Variants in FRMD3 observed in about 807,000 individuals in gnomAD.
FRMD3 encodes FERM domain-containing protein 3.
A neutral mutation model predicts 70.2 loss-of-function variants in FRMD3; 33 were observed. The observed-to-expected ratio is 0.47, with a 90% confidence interval of 0.36 to 0.63. FRMD3 has a LOEUF of 0.63. Ranked by LOEUF, FRMD3 falls within the 20% of genes least tolerant of loss-of-function variation. The pLI, the probability that FRMD3 is intolerant of heterozygous loss-of-function variation, is 0.00. For missense variants in FRMD3, 632 were observed against 711.4 expected (o/e 0.89, Z 1.27); for synonymous variants, 279 against 255.9 (o/e 1.09, Z -0.86).
chr9:83,298,667 A>C, intron 12 of FRMD3, 81 bp downstream of exon 12: 16 of 1,036,708 alleles, frequency 1.5e-5, no homozygotes, highest in Non-Finnish European at 2.4e-5. Context: ...GCTGTATGTC[A>C]CTACACAAAG....
At chr9:83,250,928 C>G (rs1009946676) in intron 13 of FRMD3, among the ~76,000 whole-genome samples, 5 of 152,204 alleles carry the variant, frequency 3.3e-5, no homozygotes, top group African/African-American at 1.2e-4. Context: ...TCAGCTGTTC[C>G]AGTCTGCCTG....
At chr9:83,364,800 G>A (rs985974712) in intron 3 of FRMD3, among the ~76,000 whole-genome samples, 24 of 152,116 alleles carry the variant, frequency 1.6e-4, no homozygotes, top group Admixed American at 1.2e-3. Flanking sequence ...TTGTGTGAGC[G>A]ATGTCCTTTT....
chr9:83,440,581 G>A (rs1268392762), intron 1 of FRMD3, among the ~76,000 whole-genome samples: 1 of 152,060 alleles, frequency 6.6e-6, no homozygotes, highest in Non-Finnish European at 1.5e-5. Flanking sequence ...ACAGGACGAG[G>A]GGCAACATTA....
At chr9:83,480,515 G>A (rs1383069458) in intron 1 of FRMD3, among the ~76,000 whole-genome samples, 1 of 133,282 alleles carries the variant, frequency 7.5e-6, no homozygotes, top group African/African-American at 2.9e-5. Flanking sequence ...TTTTTTTTGA[G>A]ATGGAGTTTG....
rs116521421 is a variant in FRMD3 at position 83,447,510 on chromosome 9, C to T, written c.148-57802G>A. Among the ~76,000 whole-genome samples, 458 of 152,314 alleles carry T rather than the reference C, an allele frequency of 3.0e-3. 2 individuals are homozygous for T. Among genetic ancestry groups the T allele is most frequent in the African/African-American group, 0.01 (434 of 41,562 alleles). On this transcript the variant is annotated intron_variant, in intron 1 of 13. Transcript: ENST00000304195. ...CAGAGGAGCCAGGCTGGATGCGGGC[C>T]AGCCGTAGGCCCGAGGCACTGTGAT... is the stretch of plus-strand genomic sequence containing the variant.
At chr9:83,264,537 G>C (rs1833143200) in intron 13 of FRMD3, among the ~76,000 whole-genome samples, 1 of 152,116 alleles carries the variant, frequency 6.6e-6, no homozygotes, top group African/African-American at 2.4e-5. Flanking sequence ...TTGATGATGG[G>C]GGAGGCTGAG....
chr9:83,476,299 G>T (rs550897010), intron 1 of FRMD3, among the ~76,000 whole-genome samples: 1 of 151,056 alleles, frequency 6.6e-6, no homozygotes, highest in African/African-American at 2.4e-5. Context: ...CAGGAGAATC[G>T]CTTGAACCTG....
chr9:83,513,079 A>G (rs951963886), intron 1 of FRMD3, among the ~76,000 whole-genome samples: 5 of 152,246 alleles, frequency 3.3e-5, no homozygotes, highest in African/African-American at 1.2e-4. Flanking sequence ...AGAGAAACAT[A>G]GAGAAACATA....
chr9:83,491,932 G>A (rs1828835575), intron 1 of FRMD3, among the ~76,000 whole-genome samples: 1 of 152,198 alleles, frequency 6.6e-6, no homozygotes, highest in Non-Finnish European at 1.5e-5. Flanking sequence ...GCGTCCACAG[G>A]GGGCTGTTGA....
At chr9:83,317,403 G>A (rs182629942) in intron 6 of FRMD3, among the ~76,000 whole-genome samples, 264 of 152,172 alleles carry the variant, frequency 1.7e-3, no homozygotes, top group African/African-American at 6.1e-3. Context: ...GCCTCCCATA[G>A]CCTTGGGCAA....
At chr9:83,329,556 A>T (rs1394050421) in intron 6 of FRMD3, among the ~76,000 whole-genome samples, 1 of 152,226 alleles carries the variant, frequency 6.6e-6, no homozygotes, top group Non-Finnish European at 1.5e-5. Flanking sequence ...TTTTAAAATG[A>T]TAACTCCATT....
At position 83,245,675 on chromosome 9, in the gene FRMD3, A is replaced by T; in HGVS notation, c.*2243T>A. ...AATTTAAAAAATATTATATAATATTATTTTGAAAGACTGAGGGCCAGATGA... is the reference window on the plus strand; with the variant it reads ...AATTTAAAAAATATTATATAATATTTTTTTGAAAGACTGAGGGCCAGATGA... On this transcript the variant is annotated 3_prime_UTR_variant, in exon 14 of 14. Transcript: ENST00000304195. 1.1e-6 allele frequency: 1 copy of T among 912,634 alleles called. No homozygotes were observed. 56.5% of individuals were successfully genotyped at this position (912,634 alleles called of 1,614,324 possible).
intron 12 of FRMD3, among the ~76,000 whole-genome samples, chr9:83,292,210 G>C (rs1303910495): frequency 1.3e-5 from 2 of 149,878 alleles, no homozygotes; most frequent in East Asian, 3.9e-4. Flanking sequence ...CTAGGCTGGA[G>C]TGCAGTGGTG....
chr9:83,396,306 G>C (rs1825810022), intron 1 of FRMD3, among the ~76,000 whole-genome samples: 1 of 152,174 alleles, frequency 6.6e-6, no homozygotes, highest in African/African-American at 2.4e-5. Flanking sequence ...CACCAGGCTG[G>C]GAAAAGGCAG....
the FRMD3 span, among the ~76,000 whole-genome samples, chr9:83,545,346 G>GTTTTTTTTGGTTT: frequency 8.5e-6 from 1 of 117,296 alleles, no homozygotes; most frequent in Non-Finnish European, 1.8e-5. Flanking sequence ...GAAAAGTGTT[G>GTTTTTTTTGGTTT]TTTTTTTTTG....
At chr9:83,423,384 G>A (rs920094975) in intron 1 of FRMD3, among the ~76,000 whole-genome samples, 21 of 151,912 alleles carry the variant, frequency 1.4e-4, no homozygotes, top group African/African-American at 4.4e-4. Flanking sequence ...CAGAACATGC[G>A]GTGGTAACCC....
rs546904093 is a variant in FRMD3 at position 83,538,318 on chromosome 9, G to C, written c.-87C>G. On this transcript the variant is annotated 5_prime_UTR_variant, in exon 1 of 14. Coordinates refer to ENST00000304195, the MANE Select transcript of FRMD3 (RefSeq NM_174938.6). The surrounding 1 kb of genome is among the most constrained non-coding windows in gnomAD (Gnocchi z 4.7). ...ACACACACGCTCGCACGCACTGTCC[G>C]GGACACCTGGGCGCGGCTCAGCCCC... The C allele has an allele frequency of 7.0e-6, 9 of 1,292,382 alleles. No individual in the cohort carries two copies. Among genetic ancestry groups the C allele is most frequent in the African/African-American group, 3.0e-5 (2 of 65,672 alleles). 80.1% of individuals were successfully genotyped at this position (1,292,382 alleles called of 1,614,324 possible).
At chr9:83,536,298 T>C (rs1432536592) in intron 1 of FRMD3, among the ~76,000 whole-genome samples, 1 of 152,092 alleles carries the variant, frequency 6.6e-6, no homozygotes, top group Non-Finnish European at 1.5e-5. Context: ...AGACAACAAA[T>C]ACATGTCCTT....
Position 83,246,639 on chromosome 9 carries a change from A to T in FRMD3, c.*1279T>A. The T allele has an allele frequency of 5.6e-6, 4 of 716,192 alleles. No individual in the cohort carries two copies. The highest frequency in any genetic ancestry group is 6.6e-6 in the Non-Finnish European group (4 of 604,632). The allele number at this position is 716,192 out of a possible 1,614,324, so 44.4% of individuals were successfully genotyped here. ...ATGGACATGTATCAAAAAGCCATTC[A>T]TATTCTCTCTCTCTCTCTCTCTCTC... On this transcript the variant is annotated 3_prime_UTR_variant, in exon 14 of 14. Coordinates refer to ENST00000304195, the MANE Select transcript of FRMD3 (RefSeq NM_174938.6).
Sources: gnomAD v4.1 joint callset for allele counts (sites outside exome capture counted in the v4.1 genomes callset) on GRCh38, gnomAD v4.1.1 for gene constraint, Gnocchi (gnomAD v3.1) non-coding constraint, MANE v1.5 for transcripts, NCBI Gene and HGNC (gene_info 2026-07-23, HGNC 2026-07-21) for gene names.